The following FRMD5 variants were observed in gnomAD, a reference collection of about 807,000 sequenced individuals.
The protein encoded by FRMD5 is FERM domain-containing protein 5.
Under a neutral mutation model 69.0 loss-of-function variants are expected in FRMD5, and 20 were observed. That is an observed-to-expected ratio of 0.29 (90% CI 0.20 to 0.42). The LOEUF (loss-of-function observed/expected upper bound fraction) is 0.42. Among genes scored for constraint, FRMD5 ranks in the 10% least tolerant of loss-of-function variants. The probability of loss-of-function intolerance (pLI) is 1.00; values close to 1 mark genes in which losing one functional copy is unlikely to be tolerated. For missense variants in FRMD5, 595 were observed against 708.6 expected, an observed-to-expected ratio of 0.84 and a Z score of 1.82; for synonymous variants, 271 against 260.1, an observed-to-expected ratio of 1.04 and a Z score of -0.40.
intron 1 of FRMD5, among the ~76,000 whole-genome samples, chr15:44,060,739 G>A (rs1222854290): frequency 6.6e-6 from 1 of 152,108 alleles, no homozygotes; most frequent in Non-Finnish European, 1.5e-5. Flanking sequence ...AAGGTGAGAA[G>A]CCACTTAATT....
intron 1 of FRMD5, among the ~76,000 whole-genome samples, chr15:44,102,352 A>G (rs2076652908): frequency 6.6e-6 from 1 of 152,236 alleles, no homozygotes; most frequent in Admixed American, 6.5e-5. Context: ...AGAAGGAAGG[A>G]GTTGTCAGGA....
intron 2 of FRMD5, among the ~76,000 whole-genome samples, chr15:43,922,614 T>A (rs1358129199): frequency 6.6e-6 from 1 of 152,084 alleles, no homozygotes; most frequent in African/African-American, 2.4e-5. Context: ...CGCCTTTTTT[T>A]CTTCATATAC....
At chr15:44,010,809 T>C (rs949094380) in intron 1 of FRMD5, among the ~76,000 whole-genome samples, 9 of 152,158 alleles carry the variant, frequency 5.9e-5, no homozygotes, top group Non-Finnish European at 1.0e-4. Flanking sequence ...CTCTTCCATA[T>C]AGCTTTTATG....
At chr15:43,931,219 T>C (rs762370240) in intron 1 of FRMD5, among the ~76,000 whole-genome samples, 9 of 152,352 alleles carry the variant, frequency 5.9e-5, no homozygotes, top group African/African-American at 9.6e-5. Flanking sequence ...TTGCTATTGA[T>C]TGAATAAATT....
intron 4 of FRMD5, among the ~76,000 whole-genome samples, chr15:43,910,694 G>A (rs1417433287): frequency 1.3e-5 from 2 of 152,088 alleles, no homozygotes; most frequent in African/African-American, 4.8e-5. Flanking sequence ...TGCCTCAGGT[G>A]GAAGCAGGAT....
chr15:43,988,512 C>A (rs1889509826), intron 1 of FRMD5, among the ~76,000 whole-genome samples: 1 of 152,054 alleles, frequency 6.6e-6, no homozygotes, highest in Non-Finnish European at 1.5e-5. Flanking sequence ...GGTCTCAAGT[C>A]AGTGTACAGG....
In FRMD5 at chr15:43,961,855, C is replaced by T. The variant is rs866511644; in HGVS notation, c.103-37546G>A. 5.1e-4 allele frequency among the ~76,000 whole-genome samples: 77 copies of T among 152,126 alleles called. No individual in the cohort carries two copies. In the South Asian group the frequency reaches 8.7e-3, roughly 17 times the overall value. ...AAAGGCCTTTGACAAAATTCAACAA[C>T]CCTTCATGCTAAAAACTCTCAATAA... On this transcript the variant is annotated intron_variant, in intron 1 of 13. Transcript: ENST00000417257.
chr15:43,876,102 T>C (rs2088347637), intron 13 of FRMD5: 1 of 1,410,834 alleles, frequency 7.1e-7, no homozygotes, highest in Admixed American at 1.7e-5. Flanking sequence ...GATTTTGCCA[T>C]GTTTTTCCCA....
intron 1 of FRMD5, among the ~76,000 whole-genome samples, chr15:44,114,735 T>G (rs530395633): frequency 6.6e-6 from 1 of 152,194 alleles, no homozygotes; most frequent in African/African-American, 2.4e-5. Flanking sequence ...GTACCCTTAT[T>G]CCATGAATAT....
chr15:43,939,872 T>C (rs2089831637), intron 1 of FRMD5, among the ~76,000 whole-genome samples: 1 of 152,144 alleles, frequency 6.6e-6, no homozygotes, highest in African/African-American at 2.4e-5. Flanking sequence ...GGGTGCTCTT[T>C]TTCATTTGTC....
chr15:44,075,321 C>A (rs1275235621), intron 1 of FRMD5, among the ~76,000 whole-genome samples: 1 of 151,918 alleles, frequency 6.6e-6, no homozygotes, highest in Non-Finnish European at 1.5e-5. Context: ...TAAAGTGGTG[C>A]CAATTTTGAA....
chr15:44,070,253 T>C (rs550941087), intron 1 of FRMD5, among the ~76,000 whole-genome samples: 27 of 151,980 alleles, frequency 1.8e-4, no homozygotes, highest in African/African-American at 5.1e-4. Flanking sequence ...GGTGGGAAGA[T>C]TGCTTGAGTC....
At chr15:43,995,032 A>T (rs773579818) in intron 1 of FRMD5, among the ~76,000 whole-genome samples, 21 of 152,094 alleles carry the variant, frequency 1.4e-4, no homozygotes, top group Admixed American at 3.9e-4. Flanking sequence ...CTCCTTTAGC[A>T]CTTTGAATAT....
chr15:44,090,953 C>G (rs1472434177), intron 1 of FRMD5, among the ~76,000 whole-genome samples: 1 of 152,102 alleles, frequency 6.6e-6, no homozygotes, highest in Non-Finnish European at 1.5e-5. Flanking sequence ...TCAAGACAAC[C>G]TAACACAACC....
intron 1 of FRMD5, among the ~76,000 whole-genome samples, chr15:44,070,841 T>C (rs1259854987): frequency 6.6e-6 from 1 of 152,216 alleles, no homozygotes; most frequent in African/African-American, 2.4e-5. Flanking sequence ...GCAGCTACAA[T>C]GGCTAGAAAG....
At chr15:43,940,264 G>A (rs1188515139) in intron 1 of FRMD5, among the ~76,000 whole-genome samples, 4 of 152,140 alleles carry the variant, frequency 2.6e-5, no homozygotes, top group Non-Finnish European at 5.9e-5. Context: ...ACAGTTTCTG[G>A]GGCAGCCTCC....
chr15:43,955,939 A>G (rs1023993429), intron 1 of FRMD5, among the ~76,000 whole-genome samples: 1 of 152,180 alleles, frequency 6.6e-6, no homozygotes, highest in African/African-American at 2.4e-5. Context: ...CACAGGTAAG[A>G]CAAAAACATA....
At chr15:44,159,597 T>G (rs943303406) in intron 1 of FRMD5, among the ~76,000 whole-genome samples, 1 of 152,144 alleles carries the variant, frequency 6.6e-6, no homozygotes, top group Non-Finnish European at 1.5e-5. Flanking sequence ...GGTTTTGTGC[T>G]TGAGCAATCA....
intron 2 of FRMD5, among the ~76,000 whole-genome samples, chr15:43,923,280 A>G (rs1053589636): frequency 2.8e-4 from 43 of 152,368 alleles, no homozygotes; most frequent in African/African-American, 1.0e-3. Context: ...CCAGGCCCTC[A>G]TGGAACTTAC....
Sources: allele counts gnomAD v4.1 joint callset (sites outside exome capture counted in the v4.1 genomes callset), GRCh38; gene constraint gnomAD v4.1.1; transcripts MANE v1.5; gene names NCBI Gene and HGNC (gene_info 2026-07-23, HGNC 2026-07-21).